SLC38A6: variants seen among roughly 807,000 people sequenced by gnomAD.
SLC38A6 encodes N system amino acid transporter NAT-1.
Under a neutral mutation model 65.0 loss-of-function variants are expected in SLC38A6, and 73 were observed. The ratio of observed to expected loss-of-function variants is 1.12; its 90% CI spans 0.93 to 1.37. SLC38A6 has a LOEUF of 1.37. SLC38A6 is among the 40% of genes most tolerant of loss of function. The pLI, the probability that SLC38A6 is intolerant of heterozygous loss-of-function variation, is 0.00. For synonymous variants in SLC38A6, 183 were observed against 178.8 expected (o/e 1.02, Z -0.19); for missense variants, 561 against 531.1 (o/e 1.06, Z -0.55).
rs948442095 is a variant in SLC38A6 at position 61,022,517 on chromosome 14, A to G, written c.403+2937A>G. On this transcript the variant is annotated intron_variant, in intron 5 of 15. Transcript: ENST00000267488. Reference sequence around the variant, plus strand: ...TTATAATAAATAAGTTAATCGTACAATGACCAATGTTACTTCATTAAAATG... The same window carrying G: ...TTATAATAAATAAGTTAATCGTACAGTGACCAATGTTACTTCATTAAAATG... 4.6e-5 allele frequency among the ~76,000 whole-genome samples: 7 copies of G among 150,742 alleles called. No homozygotes were observed. In the East Asian group the frequency reaches 7.8e-4, roughly 17 times the overall value.
chr14:60,988,085 A>G (rs1489814710), intron 3 of SLC38A6, among the ~76,000 whole-genome samples: 2 of 152,120 alleles, frequency 1.3e-5, no homozygotes, highest in African/African-American at 4.8e-5. Context: ...CAAAACTCAC[A>G]TGTCTCTAAT....
chr14:61,019,997 G>A (rs2040258117), intron 5 of SLC38A6, among the ~76,000 whole-genome samples: 1 of 152,102 alleles, frequency 6.6e-6, no homozygotes, highest in African/African-American at 2.4e-5. Context: ...GGACAACAGT[G>A]TCCTCTTGTA....
At chr14:61,062,978 C>A (rs1277387390) in intron 15 of SLC38A6, among the ~76,000 whole-genome samples, 1 of 152,162 alleles carries the variant, frequency 6.6e-6, no homozygotes, top group East Asian at 1.9e-4. Flanking sequence ...CATGCCCAGC[C>A]AATTTCTGTT....
intron 15 of SLC38A6, among the ~76,000 whole-genome samples, chr14:61,066,165 A>C (rs995542124): frequency 6.6e-6 from 1 of 152,234 alleles, no homozygotes; most frequent in Non-Finnish European, 1.5e-5. Context: ...AAAAAACTCA[A>C]ATACACAATT....
chr14:60,998,472 A>G (rs1481106800), intron 3 of SLC38A6, among the ~76,000 whole-genome samples: 1 of 152,054 alleles, frequency 6.6e-6, no homozygotes, highest in Non-Finnish European at 1.5e-5. Flanking sequence ...GGGGAAGATC[A>G]TCTTCCCACT....
At chr14:61,047,628 A>C (rs1460045797) in intron 12 of SLC38A6, among the ~76,000 whole-genome samples, 1 of 152,092 alleles carries the variant, frequency 6.6e-6, no homozygotes, top group East Asian at 1.9e-4. Context: ...CTTTTAGAAA[A>C]ATATGACTCA....
chr14:61,080,092 A>C (rs922100551), intron 16 of SLC38A6, among the ~76,000 whole-genome samples: 1 of 152,230 alleles, frequency 6.6e-6, no homozygotes, highest in Non-Finnish European at 1.5e-5. Flanking sequence ...CATGAACAAT[A>C]AGCATTAAAA....
intron 5 of SLC38A6, among the ~76,000 whole-genome samples, chr14:61,029,433 A>G (rs1594651815): frequency 6.6e-6 from 1 of 152,156 alleles, no homozygotes; most frequent in South Asian, 2.1e-4. Flanking sequence ...TTTGTTCTTC[A>G]TGGGCGTTTC....
chr14:61,006,104 C>T (rs2039092532), intron 3 of SLC38A6, among the ~76,000 whole-genome samples: 1 of 152,078 alleles, frequency 6.6e-6, no homozygotes, highest in Non-Finnish European at 1.5e-5. Flanking sequence ...ATAAATGGTG[C>T]TGGGAAAACT....
At chr14:61,070,644 C>T (rs978526071) in intron 15 of SLC38A6, among the ~76,000 whole-genome samples, 1 of 152,124 alleles carries the variant, frequency 6.6e-6, no homozygotes, top group African/African-American at 2.4e-5. Flanking sequence ...TACTGGTTTC[C>T]TTAATGGTTG....
intron 16 of SLC38A6, among the ~76,000 whole-genome samples, chr14:61,079,897 T>C (rs2043577857): frequency 6.6e-6 from 1 of 152,152 alleles, no homozygotes; most frequent in South Asian, 2.1e-4. Context: ...GTTTCACCTG[T>C]CTTTGGCTTC....
intron 3 of SLC38A6, among the ~76,000 whole-genome samples, chr14:61,003,508 A>G (rs1002482881): frequency 6.6e-6 from 1 of 152,144 alleles, no homozygotes; most frequent in Non-Finnish European, 1.5e-5. Context: ...TTAGGGGTCA[A>G]ATGTTTTAAA....
chr14:60,981,528 C>G, intron 1 of SLC38A6, 146 bp downstream of exon 1: 1 of 1,532,606 alleles, frequency 6.5e-7, no homozygotes, highest in Non-Finnish European at 8.7e-7. Context: ...TGAAGGCAGC[C>G]GCCGAGATTC....
intron 3 of SLC38A6, among the ~76,000 whole-genome samples, chr14:60,997,697 C>T (rs2038393338): frequency 6.6e-6 from 1 of 152,098 alleles, no homozygotes; most frequent in Non-Finnish European, 1.5e-5. Context: ...AAGAAAGAAA[C>T]AGGTTAACAA....
chr14:61,011,919 C>T (rs1363330136), intron 3 of SLC38A6, among the ~76,000 whole-genome samples: 1 of 152,092 alleles, frequency 6.6e-6, no homozygotes, highest in Non-Finnish European at 1.5e-5. Context: ...GGGAGGATTC[C>T]CTCTTTTTCT....
chr14:61,005,274 G>T lies in SLC38A6; in HGVS notation c.311-10630G>T, dbSNP rs573561243. On this transcript the variant is annotated intron_variant, in intron 3 of 15. Coordinates refer to ENST00000267488, the MANE Select transcript of SLC38A6 (RefSeq NM_153811.3). Reference sequence around the variant, plus strand: ...GCATTCCCTTTGAAAACTGGCACAAGACAGGGATGCCCTCTCTCACCACTC... The same window carrying T: ...GCATTCCCTTTGAAAACTGGCACAATACAGGGATGCCCTCTCTCACCACTC... Among the ~76,000 whole-genome samples the T allele has an allele frequency of 9.0e-5, 13 of 144,588 alleles. No individual in the cohort carries two copies. In the South Asian group the frequency reaches 2.5e-3, roughly 28 times the overall value. The allele number at this position is 144,588 out of a possible 152,430, so 94.9% of individuals were successfully genotyped here.
intron 3 of SLC38A6, among the ~76,000 whole-genome samples, chr14:61,013,943 TG>T (rs1157975784): frequency 1.3e-5 from 2 of 152,224 alleles, no homozygotes; most frequent in Admixed American, 1.3e-4. Flanking sequence ...CTTGCTAGGC[TG>T]GGGAAGTTCT....
chr14:61,010,114 G>T (rs1228596961), intron 3 of SLC38A6, among the ~76,000 whole-genome samples: 1 of 152,114 alleles, frequency 6.6e-6, no homozygotes, highest in African/African-American at 2.4e-5. Flanking sequence ...GTTTTGATTT[G>T]CATTTCTCTG....
Position 60,982,540 on chromosome 14 carries a change from A to G in SLC38A6, c.138A>G (p.Ser46=). 1 of 1,613,474 alleles carries G rather than the reference A, an allele frequency of 6.2e-7. No individual in the cohort carries two copies. Among genetic ancestry groups the G allele is most frequent in the South Asian group, 1.1e-5 (1 of 90,816 alleles). ...ACAGACAGCGATCCCCAGGTGTTTCATTTGGTTTATCAGTGTTTAATTTGA... is the reference window on the plus strand; with the variant it reads ...ACAGACAGCGATCCCCAGGTGTTTCGTTTGGTTTATCAGTGTTTAATTTGA... The part of the protein sequence containing the change: ...ELHRQRSPGV[S]FGLSVFNLMN... Residue 46 remains serine (S), a synonymous_variant, in exon 2 of 16, where the codon TCA becomes TCG. Transcript: ENST00000267488.
Sources: allele counts gnomAD v4.1 joint callset (sites outside exome capture counted in the v4.1 genomes callset), GRCh38; gene constraint gnomAD v4.1.1; transcripts MANE v1.5; gene names NCBI Gene and HGNC (gene_info 2026-07-23, HGNC 2026-07-21).